The following PPP6R3 variants were observed in gnomAD, a reference collection of about 807,000 sequenced individuals.
PPP6R3 encodes protein phosphatase 6 regulatory subunit 3.
Under a neutral mutation model 110.7 loss-of-function variants are expected in PPP6R3, and 38 were observed. The ratio of observed to expected loss-of-function variants is 0.34; its 90% confidence interval spans 0.26 to 0.45. The LOEUF (loss-of-function observed/expected upper bound fraction) is 0.45, where lower values mean the gene tolerates loss of function less well. Ranked by LOEUF, PPP6R3 falls within the 20% of genes least tolerant of loss-of-function variation. The pLI is 1.00. For synonymous variants in PPP6R3, 369 were observed against 373.5 expected, an observed-to-expected ratio of 0.99 and a Z score of 0.14; for missense variants, 870 against 1,062.4, an observed-to-expected ratio of 0.82 and a Z score of 2.52.
At chr11:68,549,959 G>A (rs1384150670) in intron 5 of PPP6R3, among the ~76,000 whole-genome samples, 3 of 152,124 alleles carry the variant, frequency 2.0e-5, no homozygotes, top group South Asian at 2.1e-4. Flanking sequence ...TGATTAGTTC[G>A]CCGCCTGGAA....
intron 1 of PPP6R3, among the ~76,000 whole-genome samples, chr11:68,517,635 G>C (rs1194899329): frequency 6.6e-6 from 1 of 152,144 alleles, no homozygotes; most frequent in Non-Finnish European, 1.5e-5. Flanking sequence ...TTGAACATCA[G>C]AATGAATAAT....
chr11:68,518,350 C>G (rs1177166785), intron 1 of PPP6R3, among the ~76,000 whole-genome samples: 2 of 152,168 alleles, frequency 1.3e-5, no homozygotes, highest in African/African-American at 4.8e-5. Flanking sequence ...TTATGTAGTA[C>G]TACTGCCAGA....
chr11:68,499,008 A>T (rs2099033926), intron 1 of PPP6R3, among the ~76,000 whole-genome samples: 2 of 152,110 alleles, frequency 1.3e-5, no homozygotes, highest in Admixed American at 1.3e-4. Context: ...CTGTGTAGAG[A>T]TGTCTTACTT....
At chr11:68,466,930 T>C (rs1024633561) in intron 1 of PPP6R3, among the ~76,000 whole-genome samples, 2 of 149,416 alleles carry the variant, frequency 1.3e-5, no homozygotes, top group African/African-American at 5.0e-5. Context: ...GTATTTTTAG[T>C]AGAGACGGGG....
rs533186930 is a variant in PPP6R3, at chr11:68,462,761, A to G, written c.-158+1934A>G. Among the ~76,000 whole-genome samples, 4 of 152,288 alleles carry G rather than the reference A, an allele frequency of 2.6e-5. No individual in the cohort carries two copies. The South Asian group carries it at 8.3e-4, about 32-fold the overall frequency. On this transcript the variant is annotated intron_variant, in intron 1 of 23. Transcript: ENST00000393800. The stretch of plus-strand genomic sequence containing the variant: ...TACCGCTTGCCCGATACTCTCCTCC[A>G]TGGTGCTCGAAACCTTGCGTGCACC...
Position 68,511,544 on chromosome 11 carries a change from G to A in PPP6R3, c.-157-7957G>A, listed in dbSNP as rs1311998275. ...TGCCCAGGCTGGAGTGCAGTGTCGC[G>A]ATCTCAGCTCATGGCAACCTCTGCC... On this transcript the variant is annotated intron_variant, in intron 1 of 23. Transcript: ENST00000393800. Among the ~76,000 whole-genome samples the A allele has an allele frequency of 3.6e-5, 5 of 140,252 alleles. No individual in the cohort carries two copies. In the South Asian group the frequency reaches 9.3e-4, roughly 26 times the overall value. The allele number at this position is 140,252 out of a possible 152,430, so 92.0% of individuals were successfully genotyped here.
chr11:68,594,243 A>G (rs1193870420), intron 18 of PPP6R3, among the ~76,000 whole-genome samples: 1 of 151,632 alleles, frequency 6.6e-6, no homozygotes, highest in Admixed American at 6.6e-5. Flanking sequence ...AGCGATATAG[A>G]CCCCCGTCTC....
At chr11:68,587,493 A>G in intron 15 of PPP6R3, 1 of 193,084 alleles carries the variant, frequency 5.2e-6, no homozygotes, top group South Asian at 8.9e-5. Flanking sequence ...TTGCTGTAGT[A>G]GATTGGGGGT....
chr11:68,566,918 T>C, intron 9 of PPP6R3, 96 bp from the exon 10 acceptor site: 1 of 1,054,404 alleles, frequency 9.5e-7, no homozygotes. Flanking sequence ...CAGGCCATGT[T>C]GTTTGCAGGG....
chr11:68,461,400 C>A (rs1436155449), intron 1 of PPP6R3, among the ~76,000 whole-genome samples: 7 of 151,858 alleles, frequency 4.6e-5, no homozygotes, highest in African/African-American at 1.7e-4. Context: ...AGTTCCGAGG[C>A]TCCCAGTACC....
At chr11:68,550,498 C>T (rs1438316900) in intron 5 of PPP6R3, among the ~76,000 whole-genome samples, 4 of 152,038 alleles carry the variant, frequency 2.6e-5, no homozygotes, top group African/African-American at 4.8e-5. Context: ...TTTCTGAATT[C>T]GGATTCCTTT....
At chr11:68,538,008 A>G (rs1201263404) in intron 3 of PPP6R3, 117 bp downstream of exon 3, 4 of 770,426 alleles carry the variant, frequency 5.2e-6, no homozygotes, top group Non-Finnish European at 8.1e-6. Flanking sequence ...AGGGTAAGAT[A>G]GTCAAGAATG....
chr11:68,532,773 G>T (rs116732254), intron 2 of PPP6R3, among the ~76,000 whole-genome samples: 1,547 of 152,284 alleles, frequency 0.01, 10 homozygotes, highest in African/African-American at 0.012. Context: ...CAAGTACTTA[G>T]CATTGTCACT....
Position 68,544,826 on chromosome 11 carries a change from C to A in PPP6R3, c.228-12C>A. 6.5e-7 allele frequency: 1 copy of A among 1,546,584 alleles called. No individual in the cohort carries two copies. Among genetic ancestry groups the A allele is most frequent in the Non-Finnish European group, 8.9e-7 (1 of 1,126,408 alleles). ...TAATAAAGATGATGATGTAAATATCCTGTTCTTCTAGGTATCCAAATATAT... is the reference window on the plus strand; with the variant it reads ...TAATAAAGATGATGATGTAAATATCATGTTCTTCTAGGTATCCAAATATAT... On this transcript the variant is annotated splice_polypyrimidine_tract_variant and intron_variant, in intron 3 of 23. Coordinates refer to ENST00000393800, the MANE Select transcript of PPP6R3 (RefSeq NM_001164161.2).
intron 10 of PPP6R3, among the ~76,000 whole-genome samples, chr11:68,567,454 G>A (rs1021604202): frequency 1.3e-5 from 2 of 152,214 alleles, no homozygotes; most frequent in Non-Finnish European, 2.9e-5. Flanking sequence ...GACAATGACT[G>A]CTGGGTGCAG....
At chr11:68,576,768 T>C (rs2099533331) in intron 14 of PPP6R3, among the ~76,000 whole-genome samples, 1 of 152,206 alleles carries the variant, frequency 6.6e-6, no homozygotes, top group Non-Finnish European at 1.5e-5. Context: ...TTGAAGTGTT[T>C]ATGTTTGGCG....
chr11:68,496,646 T>C (rs533284981), intron 1 of PPP6R3, among the ~76,000 whole-genome samples: 1 of 152,122 alleles, frequency 6.6e-6, no homozygotes, highest in East Asian at 1.9e-4. Flanking sequence ...CTAATTTTTG[T>C]ATTTTTAGTA....
chr11:68,540,819 C>T (rs374705056), intron 3 of PPP6R3, among the ~76,000 whole-genome samples: 22 of 152,282 alleles, frequency 1.4e-4, no homozygotes, highest in South Asian at 8.3e-4. Flanking sequence ...GGCTCTGTTC[C>T]GCCTGGCTCA....
In PPP6R3 at chr11:68,600,369, C is replaced by A. The variant is rs2153933233; in HGVS notation, c.2067C>A (p.Val689=). 1 of 1,613,976 alleles carries A rather than the reference C, an allele frequency of 6.2e-7. No homozygotes were observed. The highest frequency in any genetic ancestry group is 2.2e-5 in the East Asian group (1 of 44,874). The change falls in exon 20 of 24, where the codon GTC becomes GTA. Residue 689 remains valine (V), a synonymous_variant. Transcript: ENST00000393800. ...EPPNWSANFD[V]PMETTHGAPL... ...CCAACTGGTCAGCTAACTTTGATGT[C>A]CCAATGGAAACAACCCACGGTGCTC...
Sources: allele counts gnomAD v4.1 joint callset (sites outside exome capture counted in the v4.1 genomes callset), GRCh38; gene constraint gnomAD v4.1.1; transcripts MANE v1.5; gene names NCBI Gene and HGNC (gene_info 2026-07-23, HGNC 2026-07-21).